KLRC2: variants seen among roughly 807,000 people sequenced by gnomAD.
The protein encoded by KLRC2 is killer cell lectin like receptor C2, also known as NKG2-C type II integral membrane protein.
KLRC2 carries 10 observed loss-of-function variants against 25.5 expected under a neutral mutation model. The ratio of observed to expected loss-of-function variants is 0.39; its 90% confidence interval spans 0.24 to 0.67. KLRC2 has a LOEUF of 0.67. Ranked by LOEUF, KLRC2 falls within the 30% of genes least tolerant of loss-of-function variation. KLRC2 has a pLI of 0.45. For missense variants in KLRC2, 170 were observed against 272.8 expected, an observed-to-expected ratio of 0.62 and a Z score of 2.65; for synonymous variants, 48 against 93.3, an observed-to-expected ratio of 0.51 and a Z score of 2.80.
Position 10,434,113 on chromosome 12 carries a change from C to A in KLRC2, c.332-171G>T, listed in dbSNP as rs1401692326. Reference sequence around the variant, plus strand: ...AGTCAGTCATACACACATGCACAGACAAGGGTTAGCCTCTCCTCCCTAATT... The same window carrying A: ...AGTCAGTCATACACACATGCACAGAAAAGGGTTAGCCTCTCCTCCCTAATT... On this transcript the variant is annotated intron_variant, in intron 3 of 5. Transcript: ENST00000381902. 50 of 1,113,364 alleles carry A rather than the reference C, an allele frequency of 4.5e-5. 4 individuals are homozygous for A. The highest frequency in any genetic ancestry group is 5.8e-5 in the Non-Finnish European group (46 of 797,808). The allele number at this position is 1,113,364 out of a possible 1,614,324, so 69.0% of individuals were successfully genotyped here. A position where few individuals can be genotyped will look rare whatever the true frequency, so the allele number is the denominator to read the frequency against.
At position 10,430,771 on chromosome 12, in the gene KLRC2, T is replaced by A. The variant is rs1234885487; in HGVS notation, c.*346A>T. ...CACAAAGAAACGTTCTATCAATTAGTGGTCATCTCCTATTTCAACCTCCCT... is the reference window on the plus strand; with the variant it reads ...CACAAAGAAACGTTCTATCAATTAGAGGTCATCTCCTATTTCAACCTCCCT... On this transcript the variant is annotated 3_prime_UTR_variant, in exon 6 of 6. Transcript: ENST00000381902. 1.5e-5 allele frequency: 3 copies of A among 197,358 alleles called. No individual in the cohort carries two copies. The highest frequency in any genetic ancestry group is 1.6e-4 in the East Asian group (1 of 6,398). 12.2% of individuals were successfully genotyped at this position (197,358 alleles called of 1,614,324 possible). A position where few individuals can be genotyped will look rare whatever the true frequency, so the allele number is the denominator to read the frequency against.
chr12:10,434,832 C>T (rs1863853262), intron 2 of KLRC2, among the ~76,000 whole-genome samples: 1 of 151,700 alleles, frequency 6.6e-6, no homozygotes, highest in Non-Finnish European at 1.5e-5. Flanking sequence ...CAGAAAATAT[C>T]TTTGTGTGTG....
chr12:10,431,273 G>GT, intron 5 of KLRC2, 45 bp from the exon 6 acceptor site: 1 of 1,511,118 alleles, frequency 6.6e-7, no homozygotes, highest in East Asian at 2.5e-5. Flanking sequence ...TTAAGCAAAT[G>GT]ATTCATGAGA....
At chr12:10,431,593 T>C (rs76478238) in intron 5 of KLRC2, among the ~76,000 whole-genome samples, 17,157 of 141,494 alleles carry the variant, frequency 0.12, 3,449 homozygotes, top group Middle Eastern at 0.22. Flanking sequence ...AGCACTATTA[T>C]TGTGCTTTGA....
chr12:10,431,610 TC>T (rs1863817040), intron 5 of KLRC2, among the ~76,000 whole-genome samples: 1 of 142,172 alleles, frequency 7.0e-6, no homozygotes. Context: ...TTGAGGATAT[TC>T]TTAAGTAAAA....
rs752444666 is a variant in KLRC2, at chr12:10,433,856, C to G, written c.418G>C (p.Glu140Gln). The change falls in exon 4 of 6, where the codon GAG (glutamate) becomes CAG (glutamine). Residue 140 changes from glutamate to glutamine, a missense_variant. Physicochemically the swap from Glu to Gln is conservative, Grantham distance 29. Transcript: ENST00000381902. ...YIGKERRTWE[E>Q]SLLACTSKNS... ...TTCGAAGTACAGGCCAGCAAACTCT[C>G]TTCCCAAGTTCTTCTTTCCTTACCA... 1.3e-6 allele frequency: 2 copies of G among 1,550,608 alleles called. No homozygotes were observed. Among genetic ancestry groups the G allele is most frequent in the East Asian group, 2.4e-5 (1 of 42,184 alleles).
intron 1 of KLRC2, 115 bp from the exon 2 acceptor site, chr12:10,435,525 A>C: frequency 6.6e-7 from 1 of 1,516,500 alleles, no homozygotes. Flanking sequence ...ATAATGATAA[A>C]CTCTGGCCTC....
chr12:10,434,117 G>T, intron 3 of KLRC2, 175 bp from the exon 4 acceptor site: 2 of 1,082,608 alleles, frequency 1.8e-6, no homozygotes, highest in Non-Finnish European at 2.6e-6. Context: ...CACAGACAAG[G>T]GTTAGCCTCT....
chr12:10,432,499 A>T (rs1863826491), intron 4 of KLRC2, among the ~76,000 whole-genome samples: 1 of 118,508 alleles, frequency 8.4e-6, no homozygotes, highest in African/African-American at 3.0e-5. Flanking sequence ...AGATACTGTG[A>T]CTAAATCAAT....
In KLRC2 at chr12:10,431,059, T is replaced by G; in HGVS notation, c.*58A>C. 1 of 1,257,168 alleles carries G rather than the reference T, an allele frequency of 8.0e-7. No homozygotes were observed. The highest frequency in any genetic ancestry group is 2.3e-4 in the Middle Eastern group (1 of 4,360). 77.9% of individuals were successfully genotyped at this position (1,257,168 alleles called of 1,614,324 possible). ...TTTCAGATTTATGCAATCATAATAT[T>G]TCTATTTTAAGAAATATAAAATGTA... is the stretch of plus-strand genomic sequence containing the variant. On this transcript the variant is annotated 3_prime_UTR_variant, in exon 6 of 6. Transcript: ENST00000381902.
intron 4 of KLRC2, among the ~76,000 whole-genome samples, chr12:10,433,276 T>C (rs1725416137): frequency 1.4e-5 from 2 of 141,912 alleles, no homozygotes; most frequent in South Asian, 4.4e-4. Flanking sequence ...ATTGCACAAA[T>C]ATCAGATAGG....
intron 5 of KLRC2, chr12:10,431,436 C>G: frequency 1.8e-6 from 1 of 552,830 alleles, no homozygotes; most frequent in Non-Finnish European, 3.2e-6. Flanking sequence ...CAGTGGATGC[C>G]TGAAATGGCA....
At chr12:10,433,371 A>G (rs1339477492) in intron 4 of KLRC2, among the ~76,000 whole-genome samples, 1 of 142,374 alleles carries the variant, frequency 7.0e-6, no homozygotes, top group Non-Finnish European at 1.5e-5. Context: ...TATAATATTA[A>G]AAGTCAAGAC....
At chr12:10,432,239 A>G in intron 4 of KLRC2, 33 bp from the exon 5 acceptor site, 1 of 1,226,346 alleles carries the variant, frequency 8.2e-7, no homozygotes, top group South Asian at 1.5e-5. Context: ...CACTTAAATA[A>G]TAATTATGAA....
In KLRC2 at chr12:10,431,533, G is replaced by A. The variant is rs184589468; in HGVS notation, c.585-305C>T. Among the ~76,000 whole-genome samples, 663 of 141,738 alleles carry A rather than the reference G, an allele frequency of 4.7e-3. 113 individuals carry two copies. Among genetic ancestry groups the A allele is most frequent in the African/African-American group, 0.017 (612 of 37,062 alleles). The allele number at this position is 141,738 out of a possible 152,430, so 93.0% of individuals were successfully genotyped here. A position where few individuals can be genotyped will look rare whatever the true frequency, so the allele number is the denominator to read the frequency against. On this transcript the variant is annotated intron_variant, in intron 5 of 5. Transcript: ENST00000381902. ...TTAATTTATAAATTAGGCACAATAA[G>A]AGATTGACAACAATAACTAATAATA...
rs2137871467 is a variant in KLRC2 at position 10,430,972 on chromosome 12, T to G, written c.*145A>C. ...TAGGATGTCTGTACTTTAGTAATTGTGTGCATCCTATTTCAATAATTGATT... is the reference window on the plus strand; with the variant it reads ...TAGGATGTCTGTACTTTAGTAATTGGGTGCATCCTATTTCAATAATTGATT... On this transcript the variant is annotated 3_prime_UTR_variant, in exon 6 of 6. Transcript: ENST00000381902. 8.3e-7 allele frequency: 1 copy of G among 1,198,236 alleles called. No homozygotes were observed. The highest frequency in any genetic ancestry group is 1.7e-5 in the South Asian group (1 of 58,796). The allele number at this position is 1,198,236 out of a possible 1,614,324, so 74.2% of individuals were successfully genotyped here.
intron 2 of KLRC2, chr12:10,434,851 T>C (rs1405135712): frequency 3.0e-6 from 1 of 337,308 alleles, no homozygotes; most frequent in Non-Finnish European, 5.7e-6. Context: ...TGTATGTATA[T>C]ACATATATAT....
chr12:10,433,550 A>T (rs535053399), intron 4 of KLRC2, among the ~76,000 whole-genome samples: 1 of 142,020 alleles, frequency 7.0e-6, no homozygotes, highest in South Asian at 2.2e-4. Flanking sequence ...TAGATAGCAA[A>T]ATTTATTGTG....
rs1863843600 is a variant in KLRC2, at chr12:10,434,069, T to C, written c.332-127A>G. ...TTACGCATCCTTACAGGCTTATAAA[T>C]GTATATTTTTAATAACTGAGTCAGT... On this transcript the variant is annotated intron_variant, in intron 3 of 5. Transcript: ENST00000381902. The C allele has an allele frequency of 4.4e-6, 6 of 1,348,570 alleles. 2 individuals carry two copies. In the Admixed American group the frequency reaches 8.9e-5, roughly 20 times the overall value. The allele number at this position is 1,348,570 out of a possible 1,614,324, so 83.5% of individuals were successfully genotyped here.
Sources: gnomAD v4.1 joint callset for allele counts (sites outside exome capture counted in the v4.1 genomes callset) on GRCh38, gnomAD v4.1.1 for gene constraint, MANE v1.5 for transcripts, NCBI Gene and HGNC (gene_info 2026-07-23, HGNC 2026-07-21) for gene names.